Variants in OSBPL6 observed in about 807,000 individuals in gnomAD.
OSBPL6 encodes oxysterol binding protein like 6.
OSBPL6 carries 49 observed loss-of-function variants against 125.8 expected under a neutral mutation model. The observed-to-expected ratio is 0.39, with a 90% CI of 0.31 to 0.49. OSBPL6 has a LOEUF of 0.49. Among genes scored for constraint, OSBPL6 ranks in the 20% least tolerant of loss-of-function variants. OSBPL6 has a pLI of 0.88. For missense variants in OSBPL6, 986 were observed against 1,135.4 expected (o/e 0.87, Z 1.89); for synonymous variants, 394 against 391.8 (o/e 1.01, Z -0.07).
At chr2:178,324,315 T>A in intron 4 of OSBPL6, 46 bp downstream of exon 4, 1 of 1,345,510 alleles carries the variant, frequency 7.4e-7, no homozygotes, top group Non-Finnish European at 1.0e-6. Context: ...TGATGCCTGC[T>A]CTGGGGCCAA....
At chr2:178,321,949 G>T (rs1688281838) in intron 3 of OSBPL6, among the ~76,000 whole-genome samples, 1 of 152,124 alleles carries the variant, frequency 6.6e-6, no homozygotes, top group Non-Finnish European at 1.5e-5. Context: ...TTTTCTTTGT[G>T]CTAGGTACTG....
intron 1 of OSBPL6, among the ~76,000 whole-genome samples, chr2:178,206,522 T>A (rs917479494): frequency 1.3e-5 from 2 of 152,238 alleles, no homozygotes; most frequent in African/African-American, 4.8e-5. Flanking sequence ...TTGATTTATG[T>A]TGAATCACTT....
chr2:178,359,911 A>T (rs766652371), intron 12 of OSBPL6, among the ~76,000 whole-genome samples: 3 of 152,144 alleles, frequency 2.0e-5, no homozygotes, highest in Non-Finnish European at 4.4e-5. Flanking sequence ...AACATGGCAA[A>T]TCCCGTCTCT....
At chr2:178,280,466 CT>C (rs1445697467) in intron 1 of OSBPL6, among the ~76,000 whole-genome samples, 1 of 152,148 alleles carries the variant, frequency 6.6e-6, no homozygotes, top group Non-Finnish European at 1.5e-5. Context: ...CTCAGTCCCC[CT>C]GGAGGTTATA....
At chr2:178,305,757 G>A (rs1686704403) in intron 2 of OSBPL6, among the ~76,000 whole-genome samples, 1 of 151,688 alleles carries the variant, frequency 6.6e-6, no homozygotes, top group African/African-American at 2.4e-5. Flanking sequence ...CAAATATAGC[G>A]TTATAATCTG....
chr2:178,385,016 A>G lies in OSBPL6; in HGVS notation c.2014-442A>G, dbSNP rs568478476. Among the ~76,000 whole-genome samples the G allele has an allele frequency of 2.0e-5, 3 of 152,320 alleles. No individual in the cohort carries two copies. In the South Asian group the frequency reaches 6.2e-4, roughly 32 times the overall value. On this transcript the variant is annotated intron_variant, in intron 18 of 24. Coordinates refer to ENST00000190611, the MANE Select transcript of OSBPL6 (RefSeq NM_032523.4). Reference sequence around the variant, plus strand: ...AACCAAACACCGCATGTTCTCACTCATAAGTGGGAGTTGAACAATGAGAAC... The same window carrying G: ...AACCAAACACCGCATGTTCTCACTCGTAAGTGGGAGTTGAACAATGAGAAC...
intron 1 of OSBPL6, among the ~76,000 whole-genome samples, chr2:178,259,578 C>T (rs771210911): frequency 2.0e-5 from 3 of 152,008 alleles, no homozygotes; most frequent in Non-Finnish European, 4.4e-5. Flanking sequence ...ACTTAATTAT[C>T]TCTATTTTAG....
In OSBPL6 at chr2:178,399,665, T is replaced by C. The variant is rs1250203386; in HGVS notation, c.*4106T>C. On this transcript the variant is annotated 3_prime_UTR_variant, in exon 25 of 25. Coordinates refer to ENST00000190611, the MANE Select transcript of OSBPL6 (RefSeq NM_032523.4). Reference sequence around the variant, plus strand: ...AGAACTTACCTGTCATATGCATCCTTTTGTTTTCCAAAACAACATCTGATT... The same window carrying C: ...AGAACTTACCTGTCATATGCATCCTCTTGTTTTCCAAAACAACATCTGATT... The C allele has an allele frequency of 6.6e-6, 1 of 152,224 alleles. No homozygotes were observed. The highest frequency in any genetic ancestry group is 2.4e-5 in the African/African-American group (1 of 41,458). The allele number at this position is 152,224 out of a possible 1,614,324, so 9.4% of individuals were successfully genotyped here.
In OSBPL6 at chr2:178,313,842, G is replaced by T. The variant is rs1687508435; in HGVS notation, c.102+7556G>T. Among the ~76,000 whole-genome samples the T allele has an allele frequency of 2.0e-5, 3 of 152,242 alleles. No individual in the cohort carries two copies. The South Asian group carries it at 6.2e-4, about 31-fold the overall frequency. On this transcript the variant is annotated intron_variant, in intron 3 of 24. Transcript: ENST00000190611. ...CCCAGCAGTGACTCAGTGGGACCAT[G>T]TGCTGGTGTAACCATGGGATAGTGG...
At chr2:178,392,298 T>C in intron 22 of OSBPL6, 114 bp from the exon 23 acceptor site, 1 of 1,219,882 alleles carries the variant, frequency 8.2e-7, no homozygotes, top group South Asian at 1.6e-5. Context: ...TATAATCTTG[T>C]GTTTATGACT....
chr2:178,294,272 C>T (rs1480508229), intron 2 of OSBPL6, among the ~76,000 whole-genome samples: 1 of 151,824 alleles, frequency 6.6e-6, no homozygotes, highest in Non-Finnish European at 1.5e-5. Context: ...CAATTTTGAA[C>T]CTAATTGAAA....
intron 2 of OSBPL6, among the ~76,000 whole-genome samples, chr2:178,303,839 A>T (rs1686508803): frequency 6.6e-6 from 1 of 151,928 alleles, no homozygotes; most frequent in South Asian, 2.1e-4. Flanking sequence ...GCACTCTCCC[A>T]TCCTCTCCTG....
intron 1 of OSBPL6, among the ~76,000 whole-genome samples, chr2:178,240,041 C>T (rs1168446409): frequency 6.6e-6 from 1 of 152,038 alleles, no homozygotes; most frequent in African/African-American, 2.4e-5. Flanking sequence ...ACCCTACAGA[C>T]AAGTGGATTC....
At chr2:178,244,775 A>T (rs572305025) in intron 1 of OSBPL6, among the ~76,000 whole-genome samples, 1 of 152,358 alleles carries the variant, frequency 6.6e-6, no homozygotes, top group South Asian at 2.1e-4. Context: ...TTCAAATGGA[A>T]AAAAGCACTT....
intron 11 of OSBPL6, among the ~76,000 whole-genome samples, chr2:178,340,557 A>G (rs995275160): frequency 7.2e-5 from 11 of 152,102 alleles, no homozygotes; most frequent in Admixed American, 6.5e-4. Context: ...GTCATAAACC[A>G]TATTACTTTC....
At chr2:178,363,806 CA>C (rs781429240) in intron 13 of OSBPL6, among the ~76,000 whole-genome samples, 1 of 151,758 alleles carries the variant, frequency 6.6e-6, no homozygotes, top group Non-Finnish European at 1.5e-5. Context: ...TTTATTTTTA[CA>C]AAAAAATCTC....
chr2:178,374,141 A>C, intron 15 of OSBPL6, 114 bp downstream of exon 15: 1 of 1,278,686 alleles, frequency 7.8e-7, no homozygotes, highest in Non-Finnish European at 1.1e-6. Flanking sequence ...TTTTGTTTAC[A>C]TCATAGTAAA....
At position 178,339,094 on chromosome 2, in the gene OSBPL6, G is replaced by T; in HGVS notation, c.894G>T (p.Gln298His). Residue 298 changes from glutamine (Q) to histidine (H), a missense_variant and splice_region_variant, in exon 10 of 25, where the codon CAG becomes CAT. Physicochemically the swap from Gln to His is conservative, Grantham distance 24. Around this residue, in one of 3 missense-constraint regions of OSBPL6, gnomAD observed 843 missense variants for 997.3 expected, o/e 0.85. Transcript: ENST00000190611. ...TQSAPNFTDM[Q>H]ANCVDISKKD... ...CGGCACCTAACTTTACTGACATGCA[G>T]GTAAACATATTCCTGCTGCTGGTAA... 6.3e-7 allele frequency: 1 copy of T among 1,581,072 alleles called. No homozygotes were observed. The highest frequency in any genetic ancestry group is 1.1e-5 in the South Asian group (1 of 89,684).
At chr2:178,287,155 A>ATTTTTT (rs1427555959) in intron 2 of OSBPL6, among the ~76,000 whole-genome samples, 1 of 149,490 alleles carries the variant, frequency 6.7e-6, no homozygotes, top group African/African-American at 2.6e-5. Context: ...TTTTTAAAAA[A>ATTTTTT]AAAAAAAAAA....
Sources: gnomAD v4.1 joint callset for allele counts (sites outside exome capture counted in the v4.1 genomes callset) on GRCh38, gnomAD v4.1.1 for gene constraint, gnomAD v4.1.1 regional missense constraint, MANE v1.5 for transcripts, NCBI Gene and HGNC (gene_info 2026-07-23, HGNC 2026-07-21) for gene names.